PCDHGA11: variants seen among roughly 807,000 people sequenced by gnomAD.
PCDHGA11 encodes protocadherin gamma subfamily A, 11.
Under a neutral mutation model 60.4 loss-of-function variants are expected in PCDHGA11, and 39 were observed. The observed-to-expected ratio is 0.65, with a 90% CI of 0.50 to 0.84. The LOEUF is 0.84. PCDHGA11 is among the 40% of genes least tolerant of loss of function. PCDHGA11 has a pLI of 0.00. For missense variants in PCDHGA11, 1,165 were observed against 1,197.7 expected (o/e 0.97, Z 0.40); for synonymous variants, 533 against 510.3 (o/e 1.04, Z -0.60).
At chr5:141,463,367 C>G (rs1437952082) in intron 1 of PCDHGA11, among the ~76,000 whole-genome samples, 1 of 151,748 alleles carries the variant, frequency 6.6e-6, no homozygotes, top group African/African-American at 2.4e-5. Context: ...CCTTTCCTGC[C>G]CCACAGTCTG....
intron 1 of PCDHGA11, chr5:141,427,677 C>T: frequency 1.2e-6 from 1 of 816,672 alleles, no homozygotes; most frequent in Non-Finnish European, 2.1e-6. Flanking sequence ...AAACAACCTT[C>T]CCGGAGCCTC....
intron 1 of PCDHGA11, among the ~76,000 whole-genome samples, chr5:141,461,390 C>T (rs1220034894): frequency 2.0e-5 from 3 of 152,080 alleles, no homozygotes; most frequent in East Asian, 3.9e-4. Context: ...TGATGATTAG[C>T]GATGTTGAGC....
chr5:141,466,486 T>C (rs1005010773), intron 1 of PCDHGA11, among the ~76,000 whole-genome samples: 1 of 152,240 alleles, frequency 6.6e-6, no homozygotes, highest in Non-Finnish European at 1.5e-5. Flanking sequence ...GTAGGTCTTC[T>C]TTAATTAGAG....
At chr5:141,460,435 A>G (rs1002182353) in intron 1 of PCDHGA11, among the ~76,000 whole-genome samples, 1 of 152,144 alleles carries the variant, frequency 6.6e-6, no homozygotes, top group Admixed American at 6.6e-5. Context: ...GTATGGTGTG[A>G]GGTAACAATG....
At chr5:141,430,327 T>C (rs1250968800) in intron 1 of PCDHGA11, among the ~76,000 whole-genome samples, 7 of 152,042 alleles carry the variant, frequency 4.6e-5, no homozygotes, top group Non-Finnish European at 1.5e-5. Context: ...AAAATCATTG[T>C]TTATAGAAAC....
chr5:141,503,214 T>C (rs994291483), intron 2 of PCDHGA11, among the ~76,000 whole-genome samples: 7 of 152,096 alleles, frequency 4.6e-5, no homozygotes, highest in African/African-American at 1.7e-4. Flanking sequence ...GTGCCCACCA[T>C]GAGCACCGTA....
chr5:141,431,227 C>G lies in PCDHGA11; in HGVS notation c.2433+7567C>G. ...CTGAGATGCGGTTCCCTCTACCCCA[C>G]GCCTGGGATCCGGATATCGGGAAGA... On this transcript the variant is annotated intron_variant, in intron 1 of 3. Coordinates refer to ENST00000398587, the MANE Select transcript of PCDHGA11 (RefSeq NM_018914.3). This position sits in a 1 kb window ranked among gnomAD's most constrained non-coding sequence, Gnocchi z 4.8. 6.2e-7 allele frequency: 1 copy of G among 1,614,180 alleles called. No individual in the cohort carries two copies. Among genetic ancestry groups the G allele is most frequent in the Non-Finnish European group, 8.5e-7 (1 of 1,180,042 alleles).
At chr5:141,506,969 A>G (rs923725359) in intron 3 of PCDHGA11, 7 of 152,208 alleles carry the variant, frequency 4.6e-5, no homozygotes, top group Non-Finnish European at 8.8e-5. Flanking sequence ...ATAGCTCTGC[A>G]AGGCAGGTCT....
intron 1 of PCDHGA11, among the ~76,000 whole-genome samples, chr5:141,484,122 T>C (rs1343894991): frequency 6.6e-6 from 1 of 152,180 alleles, no homozygotes; most frequent in African/African-American, 2.4e-5. Context: ...CAAGAATACC[T>C]TGGTGTCAGA....
intron 2 of PCDHGA11, among the ~76,000 whole-genome samples, chr5:141,497,661 T>A (rs1485909952): frequency 3.3e-5 from 5 of 151,062 alleles, no homozygotes; most frequent in African/African-American, 4.9e-5. Context: ...TGCCTCAGCC[T>A]CCCGAGTAGC....
chr5:141,510,613 C>T (rs559713771), intron 3 of PCDHGA11, among the ~76,000 whole-genome samples: 17 of 152,298 alleles, frequency 1.1e-4, no homozygotes, highest in Admixed American at 2.0e-4. Context: ...TTAGCATTCA[C>T]TAAAACCAGA....
At chr5:141,436,394 T>C (rs781428769) in intron 1 of PCDHGA11, among the ~76,000 whole-genome samples, 15 of 152,216 alleles carry the variant, frequency 9.9e-5, no homozygotes, top group Non-Finnish European at 1.9e-4. Flanking sequence ...CTTTATTAAA[T>C]AGTTGTTGAA....
At position 141,485,811 on chromosome 5, in the gene PCDHGA11, C is replaced by T; in HGVS notation, c.2434-8996C>T. 6.2e-7 allele frequency: 1 copy of T among 1,614,220 alleles called. No homozygotes were observed. The highest frequency in any genetic ancestry group is 8.5e-7 in the Non-Finnish European group (1 of 1,180,028). ...CAATCGGACTACCGCCTGGTGCTGA[C>T]TGCTGTCGATGGAGGGAACCCGCCG... On this transcript the variant is annotated intron_variant, in intron 1 of 3. Transcript: ENST00000398587. This position sits in a 1 kb window ranked among gnomAD's most constrained non-coding sequence, Gnocchi z 5.7.
rs866878519 is a variant in PCDHGA11, at chr5:141,486,035, C to A, written c.2434-8772C>A. ...TTATTTCAGTGGTCATACCCCTGAT[C>A]GTGTAAGAAACCTCTTTAGCCTGCA... is the stretch of plus-strand genomic sequence containing the variant. On this transcript the variant is annotated intron_variant, in intron 1 of 3. Coordinates refer to ENST00000398587, the MANE Select transcript of PCDHGA11 (RefSeq NM_018914.3). This position sits in a 1 kb window ranked among gnomAD's most constrained non-coding sequence, Gnocchi z 5.0. The A allele has an allele frequency of 1.9e-6, 3 of 1,614,100 alleles. No homozygotes were observed. The East Asian group carries it at 6.7e-5, about 36-fold the overall frequency.
At position 141,432,640 on chromosome 5, in the gene PCDHGA11, C is replaced by T. The variant is rs2097523683; in HGVS notation, c.2433+8980C>T. On this transcript the variant is annotated intron_variant, in intron 1 of 3. Transcript: ENST00000398587. This position sits in a 1 kb window ranked among gnomAD's most constrained non-coding sequence, Gnocchi z 6.0. ...TGGGTCTGCACACGGGCGAGGTGCG[C>T]ACGGCGCGAGCCCTGCTGGACAGAG... 1.9e-6 allele frequency: 3 copies of T among 1,613,814 alleles called. No individual in the cohort carries two copies. The highest frequency in any genetic ancestry group is 2.5e-6 in the Non-Finnish European group (3 of 1,179,932).
rs372165060 is a variant in PCDHGA11 at position 141,423,601 on chromosome 5, C to A, written c.2374C>A (p.Leu792Ile). The change falls in exon 1 of 4, where the codon CTC (leucine) becomes ATC (isoleucine). Residue 792 changes from leucine (L) to isoleucine (I), a missense_variant. Leu to Ile is a conservative substitution (Grantham distance 5). Coordinates refer to ENST00000398587, the MANE Select transcript of PCDHGA11 (RefSeq NM_018914.3). ...GGAGAGCTGTGAGAAAAGCGAGCCA[C>A]TCTTGATAGCTGAAGACTCAGCTAT... The part of the protein sequence containing the change: ...SQESCEKSEP[L>I]LIAEDSAIIL... 3 of 1,612,704 alleles carry A rather than the reference C, an allele frequency of 1.9e-6. No homozygotes were observed. The highest frequency in any genetic ancestry group is 2.5e-6 in the Non-Finnish European group (3 of 1,179,154).
At chr5:141,469,992 G>A (rs894673835) in intron 1 of PCDHGA11, among the ~76,000 whole-genome samples, 10 of 152,054 alleles carry the variant, frequency 6.6e-5, no homozygotes, top group South Asian at 2.1e-4. Context: ...TTAGCTGGTC[G>A]TCGTGGCACG....
chr5:141,478,384 T>G, intron 1 of PCDHGA11: 1 of 1,613,658 alleles, frequency 6.2e-7, no homozygotes, highest in South Asian at 1.1e-5. Context: ...CGCCGCACCT[T>G]TACCATCAGG....
At position 141,485,443 on chromosome 5, in the gene PCDHGA11, C is replaced by A. The variant is rs2099613637; in HGVS notation, c.2434-9364C>A. 5 of 1,614,054 alleles carry A rather than the reference C, an allele frequency of 3.1e-6. No individual in the cohort carries two copies. The East Asian group carries it at 6.7e-5, about 22-fold the overall frequency. ...GAGCCCTGCTCATCAAGAACCCAAT[C>A]GACCGAGAGGCACTGTGTGGGCTCA... On this transcript the variant is annotated intron_variant, in intron 1 of 3. Coordinates refer to ENST00000398587, the MANE Select transcript of PCDHGA11 (RefSeq NM_018914.3). This position sits in a 1 kb window ranked among gnomAD's most constrained non-coding sequence, Gnocchi z 5.7.
Sources: gnomAD v4.1 joint callset for allele counts (sites outside exome capture counted in the v4.1 genomes callset) on GRCh38, gnomAD v4.1.1 for gene constraint, Gnocchi (gnomAD v3.1) non-coding constraint, MANE v1.5 for transcripts, NCBI Gene and HGNC (gene_info 2026-07-23, HGNC 2026-07-21) for gene names.